The following GABRP variants were observed in gnomAD, a reference collection of about 807,000 sequenced individuals.
The protein encoded by GABRP is gamma-aminobutyric acid type A receptor subunit pi.
In GABRP, 52 loss-of-function variants were observed where a neutral mutation model predicts 47.8. The observed-to-expected ratio is 1.09, with a 90% CI of 0.87 to 1.37. The LOEUF (loss-of-function observed/expected upper bound fraction) is 1.37, where lower values mean the gene tolerates loss of function less well. GABRP is among the 40% of genes most tolerant of loss of function. The probability of loss-of-function intolerance (pLI) is 0.00; values close to 1 mark genes in which losing one functional copy is unlikely to be tolerated. For missense variants in GABRP, 525 were observed against 542.8 expected (o/e 0.97, Z 0.33); for synonymous variants, 221 against 205.8 (o/e 1.07, Z -0.63).
chr5:170,812,601 G>C lies in GABRP; in HGVS notation c.*343G>C, dbSNP rs777576192. Reference sequence around the variant, plus strand: ...TATAAAGAATGGGAAGGAGACCATTGGGTAACCCTCAAGTGTCAGAAGTTG... The same window carrying C: ...TATAAAGAATGGGAAGGAGACCATTCGGTAACCCTCAAGTGTCAGAAGTTG... On this transcript the variant is annotated 3_prime_UTR_variant, in exon 10 of 10. Coordinates refer to ENST00000265294, the MANE Select transcript of GABRP (RefSeq NM_014211.3). 34 of 209,846 alleles carry C rather than the reference G, an allele frequency of 1.6e-4. No homozygotes were observed. Among genetic ancestry groups the C allele is most frequent in the Non-Finnish European group, 2.8e-4 (29 of 103,282 alleles). 13.0% of individuals were successfully genotyped at this position (209,846 alleles called of 1,614,324 possible).
At position 170,796,693 on chromosome 5, in the gene GABRP, C is replaced by T. The variant is rs1765438015; in HGVS notation, c.459-773C>T. ...CAGGGACTAGCTCACAGTAAGCACT[C>T]AGTAAACCATAGCTATTGTTAGTCT... On this transcript the variant is annotated intron_variant, in intron 5 of 9. Coordinates refer to ENST00000265294, the MANE Select transcript of GABRP (RefSeq NM_014211.3). 1.3e-5 allele frequency among the ~76,000 whole-genome samples: 2 copies of T among 152,164 alleles called. 1 individual carries two copies. The highest frequency in any genetic ancestry group is 4.1e-4 in the South Asian group (2 of 4,826).
chr5:170,812,026 G>A lies in GABRP; in HGVS notation c.1091G>A (p.Arg364Gln), dbSNP rs750576513. The A allele has an allele frequency of 1.5e-5, 24 of 1,613,996 alleles. No homozygotes were observed. The highest frequency in any genetic ancestry group is 1.6e-4 in the Middle Eastern group (1 of 6,084). ...AACAGCTCCATCTCCAGCTTTAAAC[G>A]GAAGATCAGCTTTGCCAGCATTGAA... ...IINSSISSFK[R>Q]KISFASIEIS... The change falls in exon 10 of 10, where the codon CGG (arginine) becomes CAG (glutamine). Residue 364 changes from arginine to glutamine, a missense_variant. Physicochemically the swap from Arg to Gln is conservative, Grantham distance 43. Coordinates refer to ENST00000265294, the MANE Select transcript of GABRP (RefSeq NM_014211.3).
In GABRP at chr5:170,805,805, A is replaced by C; in HGVS notation, c.631A>C (p.Thr211Pro). ...GLEHLRLAQY[T>P]IERYFTLVTR... ...GGAACACCTGCGGCTTGCTCAGTACACCATAGAGCGGTATTTCACCTTAGT... is the reference window on the plus strand; with the variant it reads ...GGAACACCTGCGGCTTGCTCAGTACCCCATAGAGCGGTATTTCACCTTAGT... Residue 211 changes from threonine (T) to proline (P), a missense_variant, in exon 7 of 10, where the codon ACC becomes CCC. Coordinates refer to ENST00000265294, the MANE Select transcript of GABRP (RefSeq NM_014211.3). 6.2e-7 allele frequency: 1 copy of C among 1,614,168 alleles called. No individual in the cohort carries two copies. Among genetic ancestry groups the C allele is most frequent in the Non-Finnish European group, 8.5e-7 (1 of 1,180,030 alleles).
chr5:170,806,350 T>C (rs75211368), intron 7 of GABRP, among the ~76,000 whole-genome samples: 2,293 of 152,336 alleles, frequency 0.015, 41 homozygotes, highest in South Asian at 0.089. Flanking sequence ...AAAGATGTGA[T>C]GTTATATAAA....
At chr5:170,783,538 C>T (rs1318531799), upstream of GABRP, among the ~76,000 whole-genome samples, 1 of 151,502 alleles carries the variant, frequency 6.6e-6, no homozygotes, top group Non-Finnish European at 1.5e-5. Context: ...GAGACATGAT[C>T]TCAGAATCAA....
intron 3 of GABRP, among the ~76,000 whole-genome samples, chr5:170,789,739 C>T (rs1013467234): frequency 2.6e-5 from 4 of 152,136 alleles, no homozygotes; most frequent in Non-Finnish European, 5.9e-5. Flanking sequence ...TATCTGTCTG[C>T]CATTCTCATC....
chr5:170,805,908 T>C, intron 7 of GABRP, 55 bp downstream of exon 7: 2 of 1,583,500 alleles, frequency 1.3e-6, no homozygotes, highest in East Asian at 2.2e-5. Context: ...AGGTGTAGGG[T>C]TGCTCTCTGA....
At chr5:170,794,323 A>ACC (rs1225155875) in intron 4 of GABRP, 25 bp downstream of exon 4, 1 of 1,438,448 alleles carries the variant, frequency 7.0e-7, no homozygotes, top group Non-Finnish European at 9.7e-7. Context: ...TTTGTACTCT[A>ACC]CCCAAGTAGT....
intron 4 of GABRP, among the ~76,000 whole-genome samples, chr5:170,794,940 T>C (rs1269603010): frequency 2.0e-5 from 3 of 150,588 alleles, no homozygotes; most frequent in Non-Finnish European, 3.0e-5. Context: ...ATAGGAGCTA[T>C]TATCTAGAAT....
intron 5 of GABRP, 89 bp from the exon 6 acceptor site, chr5:170,797,377 A>AAAGTCT: frequency 1.2e-6 from 1 of 804,598 alleles, no homozygotes; most frequent in Non-Finnish European, 2.2e-6. Flanking sequence ...AGTTCCAGTG[A>AAAGTCT]AAGTCTTCTT....
chr5:170,795,461 G>C (rs773420111), intron 5 of GABRP, 36 bp downstream of exon 5: 1 of 1,546,956 alleles, frequency 6.5e-7, no homozygotes, highest in African/African-American at 1.4e-5. Context: ...GGTGGAGGAC[G>C]GCAGCTGGGA....
At position 170,813,918 on chromosome 5, in the gene GABRP, G is replaced by A. The variant is rs1765955596; in HGVS notation, c.*1660G>A. 6.6e-6 allele frequency: 1 copy of A among 152,024 alleles called. No homozygotes were observed. Among genetic ancestry groups the A allele is most frequent in the African/African-American group, 2.4e-5 (1 of 41,376 alleles). 9.4% of individuals were successfully genotyped at this position (152,024 alleles called of 1,614,324 possible). ...GTGGTTGTATGAGCCAATCATATTTGTGATTTTTTAAAAAAAGTTTAAAAG... is the reference window on the plus strand; with the variant it reads ...GTGGTTGTATGAGCCAATCATATTTATGATTTTTTAAAAAAAGTTTAAAAG... On this transcript the variant is annotated 3_prime_UTR_variant, in exon 10 of 10. Coordinates refer to ENST00000265294, the MANE Select transcript of GABRP (RefSeq NM_014211.3).
chr5:170,785,074 C>A (rs1384946414), intron 1 of GABRP, among the ~76,000 whole-genome samples: 2 of 152,232 alleles, frequency 1.3e-5, no homozygotes, highest in Non-Finnish European at 2.9e-5. Context: ...GTGGCCTGAG[C>A]CTCCATTGAG....
chr5:170,806,859 G>A, intron 7 of GABRP, among the ~76,000 whole-genome samples: 1 of 152,042 alleles, frequency 6.6e-6, no homozygotes, highest in East Asian at 1.9e-4. Flanking sequence ...GGAATAGAAG[G>A]AAAGATGATT....
intron 1 of GABRP, among the ~76,000 whole-genome samples, chr5:170,786,485 A>T (rs1182485400): frequency 1.3e-5 from 2 of 152,210 alleles, no homozygotes; most frequent in Non-Finnish European, 2.9e-5. Context: ...GTACATTCAG[A>T]CCATGAGACA....
intron 7 of GABRP, among the ~76,000 whole-genome samples, chr5:170,808,335 G>A (rs564709266): frequency 2.0e-4 from 31 of 152,144 alleles, no homozygotes; most frequent in African/African-American, 6.3e-4. Flanking sequence ...TGAGGCAGAC[G>A]TCAAGAAAAC....
Position 170,795,223 on chromosome 5 carries a change from A to T in GABRP, c.256A>T (p.Ile86Leu). 6.2e-7 allele frequency: 1 copy of T among 1,613,158 alleles called. No individual in the cohort carries two copies. The highest frequency in any genetic ancestry group is 1.1e-5 in the South Asian group (1 of 91,014). Residue 86 changes from isoleucine to leucine, a missense_variant, in exon 5 of 10, where the codon ATA becomes TTA. Transcript: ENST00000265294. ...SESNMDYTATIYLRQRWMDQR... is the reference protein window; with the variant it reads ...SESNMDYTATLYLRQRWMDQR... ...CCCCTCCCAGGACTACACAGCCACC[A>T]TATACCTCCGACAGCGCTGGATGGA...
chr5:170,783,486 G>A (rs7736504), upstream of GABRP, among the ~76,000 whole-genome samples: 9,931 of 152,126 alleles, frequency 0.065, 902 homozygotes, highest in African/African-American at 0.21. Flanking sequence ...ATGGGTCCTT[G>A]ATCTCAGGGG....
rs1209553384 is a variant in GABRP at position 170,812,078 on chromosome 5, T to G, written c.1143T>G (p.Ser381Arg). 6.2e-7 allele frequency: 1 copy of G among 1,614,152 alleles called. No homozygotes were observed. Among genetic ancestry groups the G allele is most frequent in the Non-Finnish European group, 8.5e-7 (1 of 1,180,024 alleles). Residue 381 changes from serine (S) to arginine (R), a missense_variant, in exon 10 of 10, where the codon AGT (serine) becomes AGG (arginine). Coordinates refer to ENST00000265294, the MANE Select transcript of GABRP (RefSeq NM_014211.3). ...TTTCCAGCGACAACGTTGACTACAG[T>G]GACTTGACAATGAAAACCAGCGACA... is the stretch of plus-strand genomic sequence containing the variant. ...IEISSDNVDYSDLTMKTSDKF... is the reference protein window; with the variant it reads ...IEISSDNVDYRDLTMKTSDKF...
Sources: allele counts gnomAD v4.1 joint callset (sites outside exome capture counted in the v4.1 genomes callset), GRCh38; gene constraint gnomAD v4.1.1; transcripts MANE v1.5; gene names NCBI Gene and HGNC (gene_info 2026-07-23, HGNC 2026-07-21).